The following COL5A1 variants were observed in gnomAD, a reference collection of about 807,000 sequenced individuals.
The protein encoded by COL5A1 is collagen alpha-1(V) chain.
In COL5A1, 16 loss-of-function variants were observed where a neutral mutation model predicts 263.7. That is an observed-to-expected ratio of 0.06 (90% CI 0.04 to 0.09). COL5A1 has a LOEUF of 0.09. Among genes scored for constraint, COL5A1 ranks in the 10% least tolerant of loss-of-function variants. The pLI is 1.00. For missense variants in COL5A1, 2,036 were observed against 2,540.5 expected (o/e 0.80, Z 4.27); for synonymous variants, 1,012 against 1,004.5 (o/e 1.01, Z -0.14).
chr9:134,740,056 C>T (rs1159412210), intron 11 of COL5A1, among the ~76,000 whole-genome samples: 1 of 152,166 alleles, frequency 6.6e-6, no homozygotes, highest in Non-Finnish European at 1.5e-5. Flanking sequence ...TTTGGAGGTC[C>T]AGAAGAGGCG....
intron 4 of COL5A1, among the ~76,000 whole-genome samples, chr9:134,718,908 C>T (rs1406361606): frequency 6.6e-6 from 1 of 152,210 alleles, no homozygotes; most frequent in African/African-American, 2.4e-5. Flanking sequence ...AGGGCCAGAC[C>T]TGTAAGGAAA....
chr9:134,784,048 C>A (rs556262146), intron 29 of COL5A1, among the ~76,000 whole-genome samples: 3 of 152,050 alleles, frequency 2.0e-5, no homozygotes, highest in East Asian at 1.9e-4. Context: ...AGGGGTGGGA[C>A]CCATCCTGAG....
chr9:134,813,368 G>A (rs1351275278), intron 48 of COL5A1, among the ~76,000 whole-genome samples: 2 of 152,176 alleles, frequency 1.3e-5, no homozygotes, highest in South Asian at 2.1e-4. Context: ...CCTGTGCACC[G>A]TTTCCAGAGC....
At chr9:134,710,583 G>C (rs1371232040) in intron 4 of COL5A1, among the ~76,000 whole-genome samples, 46 of 126,710 alleles carry the variant, frequency 3.6e-4, no homozygotes, top group Non-Finnish European at 6.7e-4. Flanking sequence ...GTTGGGTGCA[G>C]TGGTGGGGGG....
At chr9:134,704,027 G>A (rs1347094091) in intron 4 of COL5A1, among the ~76,000 whole-genome samples, 2 of 152,052 alleles carry the variant, frequency 1.3e-5, no homozygotes, top group African/African-American at 4.8e-5. Flanking sequence ...AAAGATTCAG[G>A]AAAAAGCTTT....
chr9:134,785,746 C>T (rs189158453), intron 30 of COL5A1, among the ~76,000 whole-genome samples: 162 of 152,352 alleles, frequency 1.1e-3, no homozygotes, highest in Non-Finnish European at 1.8e-3. Flanking sequence ...GTGGCAAGAC[C>T]TCTCCTCCAG....
At chr9:134,746,067 A>G (rs1413296569) in intron 11 of COL5A1, among the ~76,000 whole-genome samples, 1 of 152,174 alleles carries the variant, frequency 6.6e-6, no homozygotes, top group East Asian at 1.9e-4. Flanking sequence ...AAGTAAGGGC[A>G]CAGTCACGTG....
chr9:134,650,446 A>G (rs554215043), intron 1 of COL5A1, among the ~76,000 whole-genome samples: 2 of 152,316 alleles, frequency 1.3e-5, no homozygotes, highest in East Asian at 1.9e-4. Context: ...GGCAGCATTT[A>G]TGGACCCCTA....
intron 1 of COL5A1, among the ~76,000 whole-genome samples, chr9:134,669,345 T>TCCATCCCTTCTTC (rs1012190226): frequency 5.8e-5 from 8 of 137,498 alleles, no homozygotes; most frequent in African/African-American, 1.9e-4. Flanking sequence ...CTTCCTTCTT[T>TCCATCCCTTCTTC]CCATCCCTTC....
rs1236150506 is a variant in COL5A1, at chr9:134,754,576, C to A, written c.1827+250C>A. 1.3e-5 allele frequency among the ~76,000 whole-genome samples: 2 copies of A among 152,046 alleles called. No homozygotes were observed. Reference sequence around the variant, plus strand: ...GGCACATTCATTTAGTTTAATAAACCTTTCTAATTCAAGAAACTTCCCAGG... The same window carrying A: ...GGCACATTCATTTAGTTTAATAAACATTTCTAATTCAAGAAACTTCCCAGG... On this transcript the variant is annotated intron_variant, in intron 16 of 65. Coordinates refer to ENST00000371817, the MANE Select transcript of COL5A1 (RefSeq NM_000093.5). The surrounding 1 kb of genome is among the most constrained non-coding windows in gnomAD (Gnocchi z 4.3).
chr9:134,822,272 C>G, intron 59 of COL5A1, 122 bp downstream of exon 59: 1 of 837,018 alleles, frequency 1.2e-6, no homozygotes, highest in Non-Finnish European at 1.9e-6. Context: ...GGAATTGGGG[C>G]CTCCAGGGTG....
rs537193130 is a variant in COL5A1 at position 134,753,825 on chromosome 9, A to G, written c.1720-25A>G. 66 of 1,556,550 alleles carry G rather than the reference A, an allele frequency of 4.2e-5. 1 individual carries two copies. In the South Asian group the frequency reaches 6.3e-4, roughly 15 times the overall value. ...TCTCGAGTCCCCACCTCGAGCAGAC[A>G]TTAACACACACCATGTCTCCCTAGG... On this transcript the variant is annotated intron_variant, in intron 14 of 65. Transcript: ENST00000371817.
At chr9:134,711,342 G>A (rs1404535513) in intron 4 of COL5A1, among the ~76,000 whole-genome samples, 2 of 152,096 alleles carry the variant, frequency 1.3e-5, no homozygotes, top group Non-Finnish European at 2.9e-5. Flanking sequence ...GTGCGCCTGG[G>A]GTGTGGGGCT....
At chr9:134,746,177 A>G (rs1480437896) in intron 11 of COL5A1, among the ~76,000 whole-genome samples, 1 of 152,188 alleles carries the variant, frequency 6.6e-6, no homozygotes. Context: ...TCCAGCAGGA[A>G]GTGACCACTG....
intron 4 of COL5A1, among the ~76,000 whole-genome samples, chr9:134,725,320 A>G (rs567628087): frequency 6.6e-6 from 1 of 152,194 alleles, no homozygotes; most frequent in Non-Finnish European, 1.5e-5. Flanking sequence ...GACACAATTC[A>G]TAGGGTTCTT....
chr9:134,840,392 G>C (rs968563167), intron 65 of COL5A1, among the ~76,000 whole-genome samples: 1 of 152,190 alleles, frequency 6.6e-6, no homozygotes, highest in Non-Finnish European at 1.5e-5. Context: ...AGGGAGGTGA[G>C]CTTCATTCCT....
At chr9:134,760,022 AC>A (rs1192132164) in intron 18 of COL5A1, among the ~76,000 whole-genome samples, 1 of 112,420 alleles carries the variant, frequency 8.9e-6, no homozygotes, top group Non-Finnish European at 1.8e-5. Flanking sequence ...ACATGCACAC[AC>A]ACCCACGCAC....
At chr9:134,748,354 CAT>C (rs1477679383) in intron 11 of COL5A1, among the ~76,000 whole-genome samples, 1 of 152,174 alleles carries the variant, frequency 6.6e-6, no homozygotes, top group African/African-American at 2.4e-5. Flanking sequence ...CATTCACACA[CAT>C]GCACATACAT....
At chr9:134,753,486 C>T (rs1310337665) in intron 14 of COL5A1, among the ~76,000 whole-genome samples, 1 of 152,202 alleles carries the variant, frequency 6.6e-6, no homozygotes, top group Non-Finnish European at 1.5e-5. Flanking sequence ...TCTGGGGGAT[C>T]TGGCCTTGAG....
Sources: allele counts gnomAD v4.1 joint callset (sites outside exome capture counted in the v4.1 genomes callset), GRCh38; gene constraint gnomAD v4.1.1; non-coding constraint Gnocchi (gnomAD v3.1); transcripts MANE v1.5; gene names NCBI Gene and HGNC (gene_info 2026-07-23, HGNC 2026-07-21).